DNAH1: variants seen among roughly 807,000 people sequenced by gnomAD.
The protein encoded by DNAH1 is dynein axonemal heavy chain 1, also known as axonemal beta dynein heavy chain 1.
Under a neutral mutation model 484.3 loss-of-function variants are expected in DNAH1, and 327 were observed. The ratio of observed to expected loss-of-function variants is 0.68; its 90% CI spans 0.62 to 0.74. DNAH1 has a LOEUF of 0.74. DNAH1 is among the 30% of genes least tolerant of loss of function. The probability of loss-of-function intolerance (pLI) is 0.00; values close to 1 mark genes in which losing one functional copy is unlikely to be tolerated. For synonymous variants in DNAH1, 2,192 were observed against 2,191.9 expected (o/e 1.00, Z 0.00); for missense variants, 5,052 against 5,546.8 (o/e 0.91, Z 2.83).
In DNAH1 at chr3:52,364,503, C is replaced by A; in HGVS notation, c.5245-135C>A. ...GCCCAGGCTGGGCATGTAGGTGGTC[C>A]CAGCAGGTCTGCAAGGGAAGTGCTA... On this transcript the variant is annotated intron_variant, in intron 32 of 77. Transcript: ENST00000420323. The surrounding 1 kb of genome is among the most constrained non-coding windows in gnomAD (Gnocchi z 4.2). The A allele has an allele frequency of 1.0e-6, 1 of 995,940 alleles. No homozygotes were observed. The highest frequency in any genetic ancestry group is 1.6e-6 in the Non-Finnish European group (1 of 642,118). 61.7% of individuals were successfully genotyped at this position (995,940 alleles called of 1,614,324 possible).
chr3:52,327,340 C>A (rs1701383603), intron 5 of DNAH1, among the ~76,000 whole-genome samples: 1 of 152,170 alleles, frequency 6.6e-6, no homozygotes, highest in African/African-American at 2.4e-5. Context: ...AAAGAGGGAG[C>A]ATGGCCTGGC....
intron 8 of DNAH1, among the ~76,000 whole-genome samples, chr3:52,343,620 C>T (rs530292520): frequency 3.3e-5 from 5 of 152,214 alleles, no homozygotes; most frequent in East Asian, 3.9e-4. Flanking sequence ...TCCAACATCC[C>T]GCAGCTCTGG....
In DNAH1 at chr3:52,383,926, C is replaced by A. The variant is rs571903508; in HGVS notation, c.8217C>A (p.Ile2739=). The change falls in exon 52 of 78, where the codon ATC becomes ATA. Residue 2739 remains isoleucine, a synonymous_variant. Transcript: ENST00000420323. ...QFPSLVNCCT[I]DWFNEWPAEA... is the part of the protein sequence containing the mutation. Reference sequence around the variant, plus strand: ...CCTCCCTGGTCAACTGCTGTACCATCGACTGGTTTAACGAGTGGCCGGCAG... The same window carrying A: ...CCTCCCTGGTCAACTGCTGTACCATAGACTGGTTTAACGAGTGGCCGGCAG... The A allele has an allele frequency of 3.7e-6, 6 of 1,613,336 alleles. No homozygotes were observed. The highest frequency in any genetic ancestry group is 1.1e-5 in the South Asian group (1 of 90,970).
chr3:52,350,654 C>A, intron 16 of DNAH1, 64 bp downstream of exon 16: 1 of 1,461,540 alleles, frequency 6.8e-7, no homozygotes, highest in Non-Finnish European at 9.5e-7. Context: ...TGCTGAGCTG[C>A]AGAGGCTCCC....
At chr3:52,380,869 T>C (rs1252945815) in intron 48 of DNAH1, among the ~76,000 whole-genome samples, 1 of 152,150 alleles carries the variant, frequency 6.6e-6, no homozygotes, top group African/African-American at 2.4e-5. Context: ...TGGTTGAGAT[T>C]CCAAAGAAAG....
chr3:52,373,936 C>T (rs992441643), intron 44 of DNAH1: 51 of 1,318,222 alleles, frequency 3.9e-5, no homozygotes, highest in Middle Eastern at 3.7e-4. Context: ...GATGAACCAA[C>T]GTTAGAAGCA....
Position 52,366,830 on chromosome 3 carries a change from C to A in DNAH1, c.5708C>A (p.Pro1903His). The change falls in exon 36 of 78, where the codon CCC (proline) becomes CAC (histidine). Residue 1903 changes from proline to histidine, a missense_variant. Pro to His is a moderately conservative substitution (Grantham distance 77, BLOSUM62 -2). Coordinates refer to ENST00000420323, the MANE Select transcript of DNAH1 (RefSeq NM_015512.5). ...YEAVNYYVLN[P>H]KSITMGQLYG... ...GCTGTCAACTACTACGTGCTCAACC[C>A]CAAGTCCATCACGATGGGCCAGCTG... The A allele has an allele frequency of 1.2e-6, 2 of 1,613,932 alleles. 1 individual carries two copies. Among genetic ancestry groups the A allele is most frequent in the South Asian group, 2.2e-5 (2 of 91,088 alleles).
At chr3:52,393,183 C>G in intron 65 of DNAH1, 151 bp from the exon 66 acceptor site, 1 of 1,433,206 alleles carries the variant, frequency 7.0e-7, no homozygotes, top group Non-Finnish European at 9.6e-7. Flanking sequence ...GCCTACCCTC[C>G]TCCGAGCCCC....
At position 52,370,096 on chromosome 3, in the gene DNAH1, C is replaced by T. The variant is rs1047226820; in HGVS notation, c.6139-14C>T. ...GGCTGCCAGCCATGAGAACTGGGTG[C>T]CTACTCCCTGCAGGAATCCATCTCC... On this transcript the variant is annotated splice_polypyrimidine_tract_variant and intron_variant, in intron 38 of 77. Coordinates refer to ENST00000420323, the MANE Select transcript of DNAH1 (RefSeq NM_015512.5). 1 of 1,613,910 alleles carries T rather than the reference C, an allele frequency of 6.2e-7. No individual in the cohort carries two copies. Among genetic ancestry groups the T allele is most frequent in the Non-Finnish European group, 8.5e-7 (1 of 1,179,852 alleles).
chr3:52,311,816 G>C (rs956803641), upstream of DNAH1, among the ~76,000 whole-genome samples: 32 of 152,212 alleles, frequency 2.1e-4, no homozygotes, highest in African/African-American at 7.2e-4. Flanking sequence ...GACGAGACCT[G>C]TGAGCATGAG....
rs1321500679 is a variant in DNAH1 at position 52,382,456 on chromosome 3, G to A, written c.7941+1G>A. The A allele has an allele frequency of 1.2e-6, 2 of 1,613,506 alleles. No individual in the cohort carries two copies. Among genetic ancestry groups the A allele is most frequent in the Non-Finnish European group, 1.7e-6 (2 of 1,179,640 alleles). On this transcript the variant is annotated splice_donor_variant, in intron 50 of 77. Transcript: ENST00000420323. LOFTEE classifies it high-confidence loss of function. ...CACCTTCCTCTTCTCAGACACCCAG[G>A]TGCCACTGCCACAGCAGAGGGCAGG...
intron 46 of DNAH1, among the ~76,000 whole-genome samples, chr3:52,377,987 C>T (rs1703676232): frequency 6.6e-6 from 1 of 152,190 alleles, no homozygotes; most frequent in African/African-American, 2.4e-5. Context: ...CCTGTGTCAA[C>T]AGACAGGCCC....
chr3:52,390,937 C>A lies in DNAH1; in HGVS notation c.9624C>A (p.Ile3208=). Reference sequence around the variant, plus strand: ...GTCCAGTGCCTGGCTCTCCACAGATCGCTGGCCTCCCCAACGACACACTGT... The same window carrying A: ...GTCCAGTGCCTGGCTCTCCACAGATAGCTGGCCTCCCCAACGACACACTGT... ...GNPVKIRSWQ[I]AGLPNDTLSV... is the part of the protein sequence containing the mutation. Residue 3208 remains isoleucine (I), a splice_region_variant and synonymous_variant, in exon 61 of 78, where the codon ATC becomes ATA. Coordinates refer to ENST00000420323, the MANE Select transcript of DNAH1 (RefSeq NM_015512.5). 2 of 1,551,744 alleles carry A rather than the reference C, an allele frequency of 1.3e-6. No homozygotes were observed. Among genetic ancestry groups the A allele is most frequent in the African/African-American group, 1.4e-5 (1 of 73,110 alleles).
At chr3:52,398,492 G>C (rs983951650) in intron 75 of DNAH1, among the ~76,000 whole-genome samples, 1 of 152,164 alleles carries the variant, frequency 6.6e-6, no homozygotes, top group African/African-American at 2.4e-5. Context: ...GTTTCACCAT[G>C]TTGGCCAGGA....
At chr3:52,373,832 T>C in intron 44 of DNAH1, 1 of 1,416,310 alleles carries the variant, frequency 7.1e-7, no homozygotes, top group South Asian at 1.2e-5. Flanking sequence ...CAGAGCCTGT[T>C]TACCCAGAAG....
rs764348206 is a variant in DNAH1, at chr3:52,358,679, G to A, written c.4208G>A (p.Arg1403His). 18 of 1,613,020 alleles carry A rather than the reference G, an allele frequency of 1.1e-5. No individual in the cohort carries two copies. The highest frequency in any genetic ancestry group is 5.5e-5 in the South Asian group (5 of 91,074). ...NVEDWLREVERSMKASVHDII... is the reference protein window; with the variant it reads ...NVEDWLREVEHSMKASVHDII... ...GAGGACTGGCTGCGGGAGGTGGAGCGCAGCATGAAGGCCAGTGTGCACGAC... is the reference window on the plus strand; with the variant it reads ...GAGGACTGGCTGCGGGAGGTGGAGCACAGCATGAAGGCCAGTGTGCACGAC... The change falls in exon 25 of 78, where the codon CGC becomes CAC. Residue 1403 changes from arginine (R) to histidine (H), a missense_variant. Physicochemically the swap from Arg to His is conservative, Grantham distance 29. Around this residue, in one of 4 missense-constraint regions of DNAH1, gnomAD observed 2,929 missense variants for 3,409.4 expected, o/e 0.86. Transcript: ENST00000420323. The surrounding 1 kb of genome is among the most constrained non-coding windows in gnomAD (Gnocchi z 4.2).
At chr3:52,385,535 C>T in intron 54 of DNAH1, 88 bp downstream of exon 54, 3 of 1,057,602 alleles carry the variant, frequency 2.8e-6, no homozygotes, top group Non-Finnish European at 4.2e-6. Context: ...AGCTGCCTGG[C>T]CACTGCAAGT....
Position 52,350,092 on chromosome 3 carries a change from G to A in DNAH1, c.2630G>A (p.Arg877Lys), listed in dbSNP as rs1702310368. ...GAGTGGATGAAGGGCATCCCGGAGA[G>A]GCTGGTGGGCCTGGAGGTGAGGCAG... is the stretch of plus-strand genomic sequence containing the variant. ...LREWMKGIPE[R>K]LVGLEERIVK... is the part of the protein sequence containing the mutation. Residue 877 changes from arginine (R) to lysine (K), a missense_variant, in exon 15 of 78, where the codon AGG becomes AAG. By Grantham distance (26) the Arg-to-Lys change is conservative (BLOSUM62 2). This residue lies in a region of DNAH1 where 1,263 missense variants were observed against 1,218.8 expected (regional missense o/e 1.04). Transcript: ENST00000420323. 1.2e-6 allele frequency: 2 copies of A among 1,611,914 alleles called. No homozygotes were observed. Among genetic ancestry groups the A allele is most frequent in the Non-Finnish European group, 1.7e-6 (2 of 1,179,580 alleles).
At position 52,361,862 on chromosome 3, in the gene DNAH1, C is replaced by G. The variant is rs1158222697; in HGVS notation, c.4980+96C>G. 6.9e-6 allele frequency: 9 copies of G among 1,311,250 alleles called. No individual in the cohort carries two copies. The highest frequency in any genetic ancestry group is 9.5e-6 in the Non-Finnish European group (9 of 947,388). The allele number at this position is 1,311,250 out of a possible 1,614,324, so 81.2% of individuals were successfully genotyped here. A position where few individuals can be genotyped will look rare whatever the true frequency, so the allele number is the denominator to read the frequency against. ...AGGCTGAGAAGCCAGGCGCTAAGGT[C>G]CACCCTGGGTCCAGCCTCTCTTGTC... On this transcript the variant is annotated intron_variant, in intron 30 of 77. Transcript: ENST00000420323. This position sits in a 1 kb window ranked among gnomAD's most constrained non-coding sequence, Gnocchi z 5.6.
Sources: gnomAD v4.1 joint callset for allele counts (sites outside exome capture counted in the v4.1 genomes callset) on GRCh38, gnomAD v4.1.1 for gene constraint, gnomAD v4.1.1 regional missense constraint, Gnocchi (gnomAD v3.1) non-coding constraint, MANE v1.5 for transcripts, NCBI Gene and HGNC (gene_info 2026-07-23, HGNC 2026-07-21) for gene names.